Variants in MIS18BP1 observed in about 807,000 individuals in gnomAD.
MIS18BP1 encodes mis18-binding protein 1.
MIS18BP1 carries 72 observed loss-of-function variants against 116.1 expected under a neutral mutation model. The ratio of observed to expected loss-of-function variants is 0.62; its 90% CI spans 0.51 to 0.75. MIS18BP1 has a LOEUF of 0.75. Among genes scored for constraint, MIS18BP1 ranks in the 30% least tolerant of loss-of-function variants. MIS18BP1 has a pLI of 0.00. For missense variants in MIS18BP1, 1,363 were observed against 1,303.2 expected, an observed-to-expected ratio of 1.05 and a Z score of -0.71; for synonymous variants, 386 against 427.0, an observed-to-expected ratio of 0.90 and a Z score of 1.18.
chr14:45,246,809 G>A lies in MIS18BP1; in HGVS notation c.478C>T (p.His160Tyr), dbSNP rs1891732005. 3.8e-6 allele frequency: 6 copies of A among 1,592,798 alleles called. No individual in the cohort carries two copies. The highest frequency in any genetic ancestry group is 5.1e-6 in the Non-Finnish European group (6 of 1,174,746). Residue 160 changes from histidine to tyrosine, a missense_variant, in exon 2 of 17, where the codon CAT becomes TAT. Transcript: ENST00000310806. ...TCCTTTTCTTCACATAGGTAGGTAT[G>A]CTGCAATTTTTTTTTTTCAACTCTG... ...PNRVEKKKLQ[H>Y]TYLCEEKENN...
chr14:45,250,529 C>T (rs1178028459), intron 1 of MIS18BP1, among the ~76,000 whole-genome samples: 1 of 152,194 alleles, frequency 6.6e-6, no homozygotes, highest in Non-Finnish European at 1.5e-5. Context: ...GTTGACCTAA[C>T]AGATGGAGGT....
intron 2 of MIS18BP1, among the ~76,000 whole-genome samples, chr14:45,244,108 T>C (rs535486238): frequency 2.0e-5 from 3 of 152,220 alleles, no homozygotes; most frequent in Admixed American, 2.0e-4. Flanking sequence ...AATGCAACAA[T>C]ATACCCACAA....
Position 45,224,660 on chromosome 14 carries a change from T to C in MIS18BP1, c.1927A>G (p.Ile643Val), listed in dbSNP as rs138393418. ...AAAATATAAGCTTTCTTCTGATTGA[T>C]GGCCATGTATTTTCTTTCTTCATCT... ...FSDEERKYMAINQKKAYILVT... is the reference protein window; with the variant it reads ...FSDEERKYMAVNQKKAYILVT... The change falls in exon 11 of 17, where the codon ATC (isoleucine) becomes GTC (valine). Residue 643 changes from isoleucine (I) to valine (V), a missense_variant. Physicochemically the swap from Ile to Val is conservative, Grantham distance 29. Coordinates refer to ENST00000310806, the MANE Select transcript of MIS18BP1 (RefSeq NM_018353.5). 20 of 1,612,560 alleles carry C rather than the reference T, an allele frequency of 1.2e-5. No individual in the cohort carries two copies. The highest frequency in any genetic ancestry group is 1.7e-5 in the Non-Finnish European group (20 of 1,179,598).
In MIS18BP1 at chr14:45,242,230, T is replaced by C. The variant is rs1191167766; in HGVS notation, c.947A>G (p.Gln316Arg). ...SERTTEGTSQ[Q>R]KVKEGNGKTV... The stretch of plus-strand genomic sequence containing the variant: ...TTTTCCATTTCCTTCCTTAACTTTC[T>C]GTTGCGAAGTCCCTTCTGTTGTCCT... The change falls in exon 4 of 17, where the codon CAG becomes CGG. Residue 316 changes from glutamine to arginine, a missense_variant. Transcript: ENST00000310806. The C allele has an allele frequency of 1.2e-6, 2 of 1,614,166 alleles. No homozygotes were observed. Among genetic ancestry groups the C allele is most frequent in the Admixed American group, 1.7e-5 (1 of 60,028 alleles).
At chr14:45,231,095 A>G in intron 8 of MIS18BP1, 46 bp downstream of exon 8, 1 of 1,581,336 alleles carries the variant, frequency 6.3e-7, no homozygotes, top group Non-Finnish European at 8.6e-7. Context: ...TAGACCATGT[A>G]AGAACTTAAC....
In MIS18BP1 at chr14:45,210,601, G is replaced by A. The variant is rs559461836; in HGVS notation, c.3004-73C>T. On this transcript the variant is annotated intron_variant, in intron 13 of 16. Coordinates refer to ENST00000310806, the MANE Select transcript of MIS18BP1 (RefSeq NM_018353.5). ...TTCTCATTATCACAAAATAGTTTTG[G>A]AGGACTGATAAGTTGGTTCTTCTTG... is the stretch of plus-strand genomic sequence containing the variant. 20 of 1,563,208 alleles carry A rather than the reference G, an allele frequency of 1.3e-5. No individual in the cohort carries two copies. The African/African-American group carries it at 1.9e-4, about 15-fold the overall frequency.
rs575677482 is a variant in MIS18BP1 at position 45,245,915 on chromosome 14, T to C, written c.544+828A>G. 5.3e-5 allele frequency among the ~76,000 whole-genome samples: 8 copies of C among 152,322 alleles called. No individual in the cohort carries two copies. In the South Asian group the frequency reaches 1.7e-3, roughly 32 times the overall value. On this transcript the variant is annotated intron_variant, in intron 2 of 16. Transcript: ENST00000310806. The stretch of plus-strand genomic sequence containing the variant: ...TTAATAGAGGTTATCAAAATTAACA[T>C]AACAAAATCTTAGTTAATGAGCCCG...
chr14:45,224,777 A>G (rs1374615822), intron 10 of MIS18BP1, 31 bp from the exon 11 acceptor site: 3 of 1,431,914 alleles, frequency 2.1e-6, no homozygotes, highest in Non-Finnish European at 1.9e-6. Context: ...ACCAAAGACC[A>G]AAATCTCAAA....
intron 5 of MIS18BP1, among the ~76,000 whole-genome samples, chr14:45,237,155 A>T (rs1363637502): frequency 3.3e-5 from 5 of 152,132 alleles, no homozygotes; most frequent in Admixed American, 2.6e-4. Context: ...TAGCAGAATT[A>T]GGTAAAGCCC....
chr14:45,210,157 G>A (rs932996192), intron 14 of MIS18BP1: 3 of 365,382 alleles, frequency 8.2e-6, no homozygotes, highest in Admixed American at 4.6e-5. Flanking sequence ...GATCCATTTC[G>A]AATTGATCCA....
intron 2 of MIS18BP1, among the ~76,000 whole-genome samples, chr14:45,244,500 C>T (rs1891673919): frequency 6.6e-6 from 1 of 152,148 alleles, no homozygotes; most frequent in Non-Finnish European, 1.5e-5. Context: ...TCACACACAC[C>T]CTCCTTTGTC....
At position 45,242,397 on chromosome 14, in the gene MIS18BP1, G is replaced by A. The variant is rs1485521461; in HGVS notation, c.780C>T (p.Thr260=). 2.5e-6 allele frequency: 4 copies of A among 1,613,936 alleles called. No individual in the cohort carries two copies. Among genetic ancestry groups the A allele is most frequent in the Non-Finnish European group, 3.4e-6 (4 of 1,179,930 alleles). Residue 260 remains threonine (T), a synonymous_variant, in exon 4 of 17, where the codon ACC becomes ACT. Coordinates refer to ENST00000310806, the MANE Select transcript of MIS18BP1 (RefSeq NM_018353.5). ...CAAACGTGTCCTTTTTGGATTTAGTGGTTGCAACTATACTCTCCTTTGAGT... is the reference window on the plus strand; with the variant it reads ...CAAACGTGTCCTTTTTGGATTTAGTAGTTGCAACTATACTCTCCTTTGAGT... ...IFHSKESIVA[T]TKSKKDTFVL...
rs1185105406 is a variant in MIS18BP1 at position 45,253,102 on chromosome 14, C to A, written c.-159G>T. ...GCTCGGCTCCGCGCGGAGAGAGGGC[C>A]GCACGCCGCCGGGCTCGCGCCTCAG... is the stretch of plus-strand genomic sequence containing the variant. On this transcript the variant is annotated 5_prime_UTR_variant, in exon 1 of 17. Coordinates refer to ENST00000310806, the MANE Select transcript of MIS18BP1 (RefSeq NM_018353.5). The A allele has an allele frequency of 1.3e-5, 2 of 152,324 alleles. No homozygotes were observed. Among genetic ancestry groups the A allele is most frequent in the Admixed American group, 1.3e-4 (2 of 15,288 alleles). The allele number at this position is 152,324 out of a possible 1,614,324, so 9.4% of individuals were successfully genotyped here.
intron 6 of MIS18BP1, among the ~76,000 whole-genome samples, chr14:45,233,424 T>C (rs137900914): frequency 3.0e-4 from 46 of 152,198 alleles, no homozygotes; most frequent in African/African-American, 1.1e-3. Flanking sequence ...TTGGACAAGA[T>C]GAGAAGCTAT....
chr14:45,221,720 T>A (rs1384144168), intron 11 of MIS18BP1, among the ~76,000 whole-genome samples: 1 of 152,220 alleles, frequency 6.6e-6, no homozygotes, highest in Non-Finnish European at 1.5e-5. Context: ...CTTTTTCTTA[T>A]TATTGGGTGG....
In MIS18BP1 at chr14:45,242,282, T is replaced by C. The variant is rs1298366708; in HGVS notation, c.895A>G (p.Ser299Gly). 13 of 1,614,004 alleles carry C rather than the reference T, an allele frequency of 8.1e-6. No individual in the cohort carries two copies. The highest frequency in any genetic ancestry group is 1.1e-5 in the Non-Finnish European group (13 of 1,180,018). Residue 299 changes from serine to glycine, a missense_variant, in exon 4 of 17, where the codon AGC (serine) becomes GGC (glycine). By Grantham distance (56) the Ser-to-Gly change is moderately conservative. Transcript: ENST00000310806. ...TCACTATCAGAAACCATTAACAGGC[T>C]GCCATTTTTAATAGGAATACAATTA... ...STNCIPIKNG[S>G]LLMVSDSERT...
chr14:45,230,814 T>C (rs1181967318), intron 8 of MIS18BP1, among the ~76,000 whole-genome samples: 1 of 151,954 alleles, frequency 6.6e-6, no homozygotes, highest in African/African-American at 2.4e-5. Context: ...AGAGACAGGG[T>C]CTCGTCATGT....
At chr14:45,223,730 G>A (rs956102963) in intron 11 of MIS18BP1, among the ~76,000 whole-genome samples, 188 bp downstream of exon 11, 4 of 152,022 alleles carry the variant, frequency 2.6e-5, no homozygotes, top group Non-Finnish European at 4.4e-5. Context: ...TACTTTCCTC[G>A]TATTAGAGAT....
Position 45,249,462 on chromosome 14 carries a change from C to G in MIS18BP1, c.-91-2085G>C, listed in dbSNP as rs920958513. Among the ~76,000 whole-genome samples the G allele has an allele frequency of 2.0e-5, 3 of 152,318 alleles. No homozygotes were observed. The South Asian group carries it at 6.2e-4, about 32-fold the overall frequency. On this transcript the variant is annotated intron_variant, in intron 1 of 16. Transcript: ENST00000310806. ...TCTCAAACTCCTGGGCTCAAGTGATCCTTCTGATTTGGCCTCCCACAAGTG... is the reference window on the plus strand; with the variant it reads ...TCTCAAACTCCTGGGCTCAAGTGATGCTTCTGATTTGGCCTCCCACAAGTG...
Sources: gnomAD v4.1 joint callset for allele counts (sites outside exome capture counted in the v4.1 genomes callset) on GRCh38, gnomAD v4.1.1 for gene constraint, MANE v1.5 for transcripts, NCBI Gene and HGNC (gene_info 2026-07-23, HGNC 2026-07-21) for gene names.